C1D: variants seen among roughly 807,000 people sequenced by gnomAD.
C1D encodes C1D nuclear receptor corepressor, also known as nuclear nucleic acid-binding protein C1D.
Under a neutral mutation model 17.5 loss-of-function variants are expected in C1D, and 10 were observed. That is an observed-to-expected ratio of 0.57 (90% CI 0.35 to 0.97). The LOEUF (loss-of-function observed/expected upper bound fraction) is 0.97, where lower values mean the gene tolerates loss of function less well. Among genes scored for constraint, C1D ranks in the 50% least tolerant of loss-of-function variants. The pLI is 0.01. For missense variants in C1D, 136 were observed against 160.1 expected (o/e 0.85, Z 0.81); for synonymous variants, 49 against 54.0 (o/e 0.91, Z 0.40).
At chr2:68,061,813 A>C (rs568167975) in intron 1 of C1D, among the ~76,000 whole-genome samples, 1 of 152,370 alleles carries the variant, frequency 6.6e-6, no homozygotes, top group Non-Finnish European at 1.5e-5. Context: ...AGGTAAAAGC[A>C]GTTAAGAAAA....
chr2:68,052,775 TA>T (rs1671326928), intron 1 of C1D, among the ~76,000 whole-genome samples: 1 of 152,182 alleles, frequency 6.6e-6, no homozygotes, highest in African/African-American at 2.4e-5. Flanking sequence ...TGATTTCTAC[TA>T]ACACTTTATT....
At chr2:68,053,165 G>A in intron 1 of C1D, 2 of 1,550,500 alleles carry the variant, frequency 1.3e-6, no homozygotes, top group Non-Finnish European at 1.7e-6. Flanking sequence ...GACGGAGAGG[G>A]CATGAGAAAA....
intron 1 of C1D, among the ~76,000 whole-genome samples, chr2:68,062,122 TC>T (rs1323292890): frequency 1.3e-5 from 2 of 152,256 alleles, no homozygotes; most frequent in Non-Finnish European, 2.9e-5. Flanking sequence ...TCCATGTGAT[TC>T]TTACATATTG....
At chr2:68,055,878 C>G (rs1257483312) in intron 1 of C1D, among the ~76,000 whole-genome samples, 1 of 152,090 alleles carries the variant, frequency 6.6e-6, no homozygotes, top group African/African-American at 2.4e-5. Flanking sequence ...CACAAACTAG[C>G]TTTTAGAATA....
At chr2:68,043,969 C>A (rs897352782) in intron 4 of C1D, among the ~76,000 whole-genome samples, 1 of 152,180 alleles carries the variant, frequency 6.6e-6, no homozygotes, top group East Asian at 1.9e-4. Flanking sequence ...GGGGTCTTTG[C>A]CCTGCTTATT....
intron 4 of C1D, among the ~76,000 whole-genome samples, chr2:68,045,149 T>G (rs956850414): frequency 6.6e-6 from 1 of 152,166 alleles, no homozygotes; most frequent in Non-Finnish European, 1.5e-5. Context: ...GGCTTACTCA[T>G]TTTTAAAAAG....
chr2:68,056,742 A>G (rs1671449089), intron 1 of C1D, among the ~76,000 whole-genome samples: 1 of 152,228 alleles, frequency 6.6e-6, no homozygotes, highest in Non-Finnish European at 1.5e-5. Flanking sequence ...TCAAATAGGG[A>G]AAAATTAAAA....
intron 1 of C1D, among the ~76,000 whole-genome samples, chr2:68,055,901 T>C (rs1178241805): frequency 2.0e-5 from 3 of 152,240 alleles, no homozygotes; most frequent in Non-Finnish European, 4.4e-5. Context: ...ACTCCGTTCA[T>C]ATATAGGAGA....
At chr2:68,056,749 A>T (rs1671449388) in intron 1 of C1D, among the ~76,000 whole-genome samples, 1 of 152,212 alleles carries the variant, frequency 6.6e-6, no homozygotes, top group South Asian at 2.1e-4. Context: ...GGGAAAAATT[A>T]AAAAGATTAA....
chr2:68,052,821 A>G (rs1671328269), intron 1 of C1D, among the ~76,000 whole-genome samples: 1 of 152,186 alleles, frequency 6.6e-6, no homozygotes, highest in Non-Finnish European at 1.5e-5. Context: ...CCTTCCACAG[A>G]AAAAGCGCAG....
Position 68,041,228 on chromosome 2 carries a change from A to G in C1D, c.*1661T>C, listed in dbSNP as rs1311139919. ...TTTATTTCTACCTAATAATGAAAGAATTACTCACTTAAAAGTTACACAATT... is the reference window on the plus strand; with the variant it reads ...TTTATTTCTACCTAATAATGAAAGAGTTACTCACTTAAAAGTTACACAATT... On this transcript the variant is annotated 3_prime_UTR_variant, in exon 5 of 5. Coordinates refer to ENST00000410067, the MANE Select transcript of C1D (RefSeq NM_173177.3). 6.6e-6 allele frequency: 1 copy of G among 152,066 alleles called. No individual in the cohort carries two copies. Among genetic ancestry groups the G allele is most frequent in the Admixed American group, 6.5e-5 (1 of 15,274 alleles). 9.4% of individuals were successfully genotyped at this position (152,066 alleles called of 1,614,324 possible). A position where few individuals can be genotyped will look rare whatever the true frequency, so the allele number is the denominator to read the frequency against.
At chr2:68,049,588 A>C (rs979852850) in intron 1 of C1D, among the ~76,000 whole-genome samples, 2 of 152,140 alleles carry the variant, frequency 1.3e-5, no homozygotes, top group African/African-American at 4.8e-5. Flanking sequence ...GACCTACCCT[A>C]CAAAGAGGTT....
chr2:68,058,328 G>A (rs1321353941), intron 1 of C1D, among the ~76,000 whole-genome samples: 1 of 152,156 alleles, frequency 6.6e-6, no homozygotes, highest in Non-Finnish European at 1.5e-5. Context: ...AAGAATCACA[G>A]AAATATAAAA....
rs959727499 is a variant in C1D at position 68,042,756 on chromosome 2, T to C, written c.*133A>G. The C allele has an allele frequency of 5.5e-6, 3 of 541,682 alleles. No homozygotes were observed. The highest frequency in any genetic ancestry group is 1.0e-5 in the Non-Finnish European group (3 of 297,068). 33.6% of individuals were successfully genotyped at this position (541,682 alleles called of 1,614,324 possible). On this transcript the variant is annotated 3_prime_UTR_variant, in exon 5 of 5. Transcript: ENST00000410067. Reference sequence around the variant, plus strand: ...CTTTGGAGAGGAAAGTATTTAGCTTTACATATTTACTGTGAATTTACATAT... The same window carrying C: ...CTTTGGAGAGGAAAGTATTTAGCTTCACATATTTACTGTGAATTTACATAT...
Position 68,062,261 on chromosome 2 carries a change from A to G in C1D, c.-10+697T>C, listed in dbSNP as rs546047964. 8.5e-5 allele frequency among the ~76,000 whole-genome samples: 13 copies of G among 152,346 alleles called. No homozygotes were observed. The South Asian group carries it at 2.7e-3, about 32-fold the overall frequency. On this transcript the variant is annotated intron_variant, in intron 1 of 4. Coordinates refer to ENST00000410067, the MANE Select transcript of C1D (RefSeq NM_173177.3). ...GTTCAGTCCACCATCAGACAGTCCT[A>G]ATAGGTTAATAAGTGGATAGCAAAC...
At chr2:68,049,792 A>G (rs1671230853) in intron 1 of C1D, among the ~76,000 whole-genome samples, 1 of 152,250 alleles carries the variant, frequency 6.6e-6, no homozygotes, top group African/African-American at 2.4e-5. Context: ...CATCATCTAA[A>G]TGAAACCCAA....
At chr2:68,061,918 T>C (rs912428421) in intron 1 of C1D, among the ~76,000 whole-genome samples, 1 of 152,222 alleles carries the variant, frequency 6.6e-6, no homozygotes, top group Non-Finnish European at 1.5e-5. Context: ...TGAAAAACCG[T>C]TATTCACACT....
At chr2:68,048,723 C>G (rs192211981) in intron 1 of C1D, among the ~76,000 whole-genome samples, 1 of 152,168 alleles carries the variant, frequency 6.6e-6, no homozygotes, top group Non-Finnish European at 1.5e-5. Flanking sequence ...CAAAACTACA[C>G]AGAAAAGAAC....
chr2:68,053,995 C>A (rs1472612279), intron 1 of C1D, among the ~76,000 whole-genome samples: 1 of 152,194 alleles, frequency 6.6e-6, no homozygotes, highest in African/African-American at 2.4e-5. Context: ...AAAACACTAT[C>A]TCTTAATGTA....
Sources: gnomAD v4.1 joint callset for allele counts (sites outside exome capture counted in the v4.1 genomes callset) on GRCh38, gnomAD v4.1.1 for gene constraint, MANE v1.5 for transcripts, NCBI Gene and HGNC (gene_info 2026-07-23, HGNC 2026-07-21) for gene names.